Variants in BMERB1 observed in about 807,000 individuals in gnomAD.
The protein encoded by BMERB1 is bMERB domain-containing protein 1.
Under a neutral mutation model 23.6 loss-of-function variants are expected in BMERB1, and 12 were observed. The ratio of observed to expected loss-of-function variants is 0.51; its 90% confidence interval spans 0.33 to 0.82. BMERB1 has a LOEUF of 0.82. Ranked by LOEUF, BMERB1 falls within the 40% of genes least tolerant of loss-of-function variation. BMERB1 has a pLI of 0.03. For missense variants in BMERB1, 247 were observed against 255.4 expected, an observed-to-expected ratio of 0.97 and a Z score of 0.22; for synonymous variants, 122 against 96.6, an observed-to-expected ratio of 1.26 and a Z score of -1.54.
intron 1 of BMERB1, among the ~76,000 whole-genome samples, chr16:15,496,640 G>A (rs200607622): frequency 7.3e-4 from 111 of 151,902 alleles, no homozygotes; most frequent in East Asian, 6.2e-3. Flanking sequence ...CCGGGTTCAC[G>A]CCATTCTCCT....
rs1026598054 is a variant in BMERB1, at chr16:15,576,293, C to T, written c.305-4924C>T. Among the ~76,000 whole-genome samples the T allele has an allele frequency of 4.6e-5, 7 of 152,020 alleles. No homozygotes were observed. In the East Asian group the frequency reaches 5.8e-4, roughly 13 times the overall value. On this transcript the variant is annotated intron_variant, in intron 3 of 5. Coordinates refer to ENST00000300006, the MANE Select transcript of BMERB1 (RefSeq NM_033201.3). ...CAACCTCCTGATCTCGTGATCTGCC[C>T]GCCTCGGCCTACCAAAGTGCTGGAA...
intron 1 of BMERB1, among the ~76,000 whole-genome samples, chr16:15,494,288 GTA>G (rs139652443): frequency 0.014 from 2,075 of 152,150 alleles, 56 homozygotes; most frequent in African/African-American, 0.049. Context: ...GAATTAGGAA[GTA>G]TATACTTTAT....
chr16:15,445,257 G>T (rs980596276), intron 1 of BMERB1, among the ~76,000 whole-genome samples: 7 of 152,182 alleles, frequency 4.6e-5, no homozygotes, highest in Non-Finnish European at 8.8e-5. Flanking sequence ...ATCTACTTAG[G>T]ATAGCTGAGA....
intron 3 of BMERB1, among the ~76,000 whole-genome samples, chr16:15,571,022 T>C (rs2030711079): frequency 1.3e-5 from 2 of 152,132 alleles, no homozygotes; most frequent in Non-Finnish European, 2.9e-5. Context: ...TTACTAATGC[T>C]GTTTTATCAG....
At chr16:15,518,228 G>T (rs977793376) in intron 2 of BMERB1, among the ~76,000 whole-genome samples, 2 of 152,156 alleles carry the variant, frequency 1.3e-5, no homozygotes, top group African/African-American at 4.8e-5. Flanking sequence ...GTCAACAGTA[G>T]ACCCTAGGAT....
At chr16:15,509,072 T>C (rs2051626457) in intron 1 of BMERB1, among the ~76,000 whole-genome samples, 1 of 151,590 alleles carries the variant, frequency 6.6e-6, no homozygotes. Flanking sequence ...GCCTCCATCC[T>C]CCCCCGGGGA....
chr16:15,569,988 T>C (rs537782855), intron 3 of BMERB1, among the ~76,000 whole-genome samples: 1 of 152,340 alleles, frequency 6.6e-6, no homozygotes, highest in African/African-American at 2.4e-5. Context: ...AAAGCTAGCA[T>C]GGCCTAAACC....
chr16:15,534,181 G>A (rs1065838), intron 2 of BMERB1, among the ~76,000 whole-genome samples: 118,415 of 150,760 alleles, frequency 0.79, 46,915 homozygotes, highest in African/African-American at 0.91. Context: ...TAAAAACCAT[G>A]ACCAGTGACA....
chr16:15,444,634 A>C (rs557467294), intron 1 of BMERB1, among the ~76,000 whole-genome samples: 1 of 152,322 alleles, frequency 6.6e-6, no homozygotes. Flanking sequence ...ATTTATTGAG[A>C]AATGCCTGCC....
At chr16:15,461,460 A>G (rs1281019140) in intron 1 of BMERB1, among the ~76,000 whole-genome samples, 22 of 152,124 alleles carry the variant, frequency 1.4e-4, no homozygotes, top group Admixed American at 1.4e-3. Flanking sequence ...CACCTCTCAG[A>G]ACTCATTCTA....
At chr16:15,575,553 GT>G (rs1185817088) in intron 3 of BMERB1, among the ~76,000 whole-genome samples, 2 of 152,148 alleles carry the variant, frequency 1.3e-5, no homozygotes, top group Non-Finnish European at 2.9e-5. Context: ...CAGGTTCTTG[GT>G]GTTTTGAACA....
chr16:15,441,264 G>T (rs2050936936), intron 1 of BMERB1, among the ~76,000 whole-genome samples: 1 of 152,022 alleles, frequency 6.6e-6, no homozygotes, highest in East Asian at 1.9e-4. Flanking sequence ...TGTCACCCAG[G>T]ATAGAGTGCT....
intron 1 of BMERB1, among the ~76,000 whole-genome samples, chr16:15,442,700 AATT>A (rs2050950632): frequency 6.6e-6 from 1 of 152,042 alleles, no homozygotes; most frequent in Non-Finnish European, 1.5e-5. Flanking sequence ...ACATAAGGAG[AATT>A]ATTATTCCCA....
At chr16:15,453,792 T>A (rs1385838988) in intron 1 of BMERB1, among the ~76,000 whole-genome samples, 1 of 152,108 alleles carries the variant, frequency 6.6e-6, no homozygotes. Context: ...AAGAATCACT[T>A]GAACCTGGGA....
chr16:15,462,076 A>G lies in BMERB1; in HGVS notation c.106+27317A>G, dbSNP rs115238145. Among the ~76,000 whole-genome samples, 632 of 151,428 alleles carry G rather than the reference A, an allele frequency of 4.2e-3. 7 individuals carry two copies. Among genetic ancestry groups the G allele is most frequent in the African/African-American group, 0.014 (596 of 41,180 alleles). ...GCATGTCCCATGCAATATTTGGGAC[A>G]TACTTATCCTACACAAAAATTGTTT... On this transcript the variant is annotated intron_variant, in intron 1 of 5. Transcript: ENST00000300006.
chr16:15,535,525 C>T (rs1485899628), intron 2 of BMERB1, among the ~76,000 whole-genome samples: 1 of 151,826 alleles, frequency 6.6e-6, no homozygotes, highest in African/African-American at 2.4e-5. Context: ...TGGTGTGTCC[C>T]TGTAGACCCA....
rs114260758 is a variant in BMERB1 at position 15,496,164 on chromosome 16, G to A, written c.107-19141G>A. The stretch of plus-strand genomic sequence containing the variant: ...TGGTGACGATGACAGTGATGTGCTA[G>A]TGATGGTGATAATGACAGTGATGGT... On this transcript the variant is annotated intron_variant, in intron 1 of 5. Coordinates refer to ENST00000300006, the MANE Select transcript of BMERB1 (RefSeq NM_033201.3). Among the ~76,000 whole-genome samples the A allele has an allele frequency of 6.2e-3, 949 of 152,100 alleles. 15 individuals carry two copies. Among genetic ancestry groups the A allele is most frequent in the African/African-American group, 0.022 (929 of 41,472 alleles).
At chr16:15,446,092 A>G (rs2150922429) in intron 1 of BMERB1, among the ~76,000 whole-genome samples, 1 of 152,258 alleles carries the variant, frequency 6.6e-6, no homozygotes, top group East Asian at 1.9e-4. Flanking sequence ...TAACTCTACA[A>G]AAATAAAAAT....
chr16:15,481,041 A>G (rs2051316809), intron 1 of BMERB1, among the ~76,000 whole-genome samples: 2 of 152,356 alleles, frequency 1.3e-5, no homozygotes, highest in Non-Finnish European at 1.5e-5. Flanking sequence ...GAGTCCATCC[A>G]TAGAGAAGTG....
Sources: gnomAD v4.1 joint callset for allele counts (sites outside exome capture counted in the v4.1 genomes callset) on GRCh38, gnomAD v4.1.1 for gene constraint, MANE v1.5 for transcripts, NCBI Gene and HGNC (gene_info 2026-07-23, HGNC 2026-07-21) for gene names.